STK17B: variants seen among roughly 807,000 people sequenced by gnomAD.
STK17B encodes the protein serine/threonine kinase 17b.
STK17B carries 21 observed loss-of-function variants against 42.0 expected under a neutral mutation model. That is an observed-to-expected ratio of 0.50 (90% confidence interval 0.35 to 0.72). The LOEUF (loss-of-function observed/expected upper bound fraction) is 0.72, where lower values mean the gene tolerates loss of function less well. Among genes scored for constraint, STK17B ranks in the 30% least tolerant of loss-of-function variants. The pLI is 0.00. For missense variants in STK17B, 349 were observed against 446.0 expected, an observed-to-expected ratio of 0.78 and a Z score of 1.96; for synonymous variants, 143 against 148.4, an observed-to-expected ratio of 0.96 and a Z score of 0.26.
intron 3 of STK17B, among the ~76,000 whole-genome samples, chr2:196,152,871 A>AT (rs1699684907): frequency 6.6e-6 from 1 of 152,206 alleles, no homozygotes; most frequent in African/African-American, 2.4e-5. Context: ...AGGAATAGGA[A>AT]TGAGAGCAAG....
At chr2:196,162,414 CTTTT>C (rs57918319) in intron 2 of STK17B, among the ~76,000 whole-genome samples, 1 of 130,904 alleles carries the variant, frequency 7.6e-6, no homozygotes, top group Non-Finnish European at 1.7e-5. Context: ...TCTTCTTCTT[CTTTT>C]TTTTTTTTTT....
chr2:196,147,353 A>G (rs973241850), intron 3 of STK17B, among the ~76,000 whole-genome samples: 4 of 152,148 alleles, frequency 2.6e-5, no homozygotes, highest in African/African-American at 9.7e-5. Context: ...TGAATGAATG[A>G]ATGATGGAAT....
chr2:196,155,042 T>C (rs918264138), intron 3 of STK17B, among the ~76,000 whole-genome samples: 7 of 152,242 alleles, frequency 4.6e-5, no homozygotes, highest in Non-Finnish European at 8.8e-5. Context: ...ATTTTGTCGT[T>C]GCTGTTTGGA....
In STK17B at chr2:196,148,840, A is replaced by G. The variant is rs1412474764; in HGVS notation, c.336-2785T>C. Reference sequence around the variant, plus strand: ...AAACAAAATACAAGAAAGTAAAGTGAAAGTATGGAAAGCAATTCCCAGTGC... The same window carrying G: ...AAACAAAATACAAGAAAGTAAAGTGGAAGTATGGAAAGCAATTCCCAGTGC... On this transcript the variant is annotated intron_variant, in intron 3 of 7. Coordinates refer to ENST00000263955, the MANE Select transcript of STK17B (RefSeq NM_004226.4). 3.9e-4 allele frequency among the ~76,000 whole-genome samples: 60 copies of G among 152,242 alleles called. 2 individuals carry two copies. The highest frequency in any genetic ancestry group is 3.9e-3 in the Admixed American group (59 of 15,290).
upstream of STK17B, among the ~76,000 whole-genome samples, chr2:196,172,115 C>G (rs1699955855): frequency 6.6e-6 from 1 of 152,206 alleles, no homozygotes; most frequent in African/African-American, 2.4e-5. Flanking sequence ...CTCGGAGTGT[C>G]AACATCAGTT....
At chr2:196,149,048 G>A (rs1275877034) in intron 3 of STK17B, among the ~76,000 whole-genome samples, 4 of 152,012 alleles carry the variant, frequency 2.6e-5, no homozygotes, top group Non-Finnish European at 1.5e-5. Flanking sequence ...GAATTAAATT[G>A]GATAATCCAC....
chr2:196,134,835 CTACTT>C lies in STK17B; in HGVS notation c.*2607_*2611del, dbSNP rs1244207486. ...CCACTCACAGGGGCTCTCTAGATTC[CTACTT>C]TAGAGAAATACATTATGCTTTTCAA... On this transcript the variant is annotated 3_prime_UTR_variant, in exon 8 of 8. Coordinates refer to ENST00000263955, the MANE Select transcript of STK17B (RefSeq NM_004226.4). 3.9e-5 allele frequency: 6 copies of C among 152,282 alleles called. No homozygotes were observed. In the East Asian group the frequency reaches 1.2e-3, roughly 29 times the overall value. 9.4% of individuals were successfully genotyped at this position (152,282 alleles called of 1,614,324 possible).
At chr2:196,174,765 G>T (rs1377712542), upstream of STK17B, among the ~76,000 whole-genome samples, 2 of 152,236 alleles carry the variant, frequency 1.3e-5, no homozygotes, top group Non-Finnish European at 2.9e-5. Context: ...TTGCAATTTT[G>T]AAAGCACTGA....
chr2:196,156,700 C>A lies in STK17B; in HGVS notation c.123-49G>T, dbSNP rs141161105. 6.3e-6 allele frequency: 9 copies of A among 1,423,118 alleles called. No individual in the cohort carries two copies. In the South Asian group the frequency reaches 1.0e-4, roughly 16 times the overall value. 88.2% of individuals were successfully genotyped at this position (1,423,118 alleles called of 1,614,324 possible). A position where few individuals can be genotyped will look rare whatever the true frequency, so the allele number is the denominator to read the frequency against. ...ATTTTAATTTTTCTGCAGAGAACAA[C>A]GTTAGTATATTACAGATTCTGTTAT... On this transcript the variant is annotated intron_variant, in intron 2 of 7. Coordinates refer to ENST00000263955, the MANE Select transcript of STK17B (RefSeq NM_004226.4).
chr2:196,161,198 T>C (rs1305463935), intron 2 of STK17B, among the ~76,000 whole-genome samples: 2 of 151,918 alleles, frequency 1.3e-5, no homozygotes, highest in Admixed American at 6.6e-5. Context: ...CATACAAACA[T>C]TGTATTAGTA....
At chr2:196,143,083 A>C (rs1363224704) in intron 5 of STK17B, among the ~76,000 whole-genome samples, 1 of 152,184 alleles carries the variant, frequency 6.6e-6, no homozygotes, top group Non-Finnish European at 1.5e-5. Context: ...CAGCAGCAAT[A>C]AACAAAAATG....
At chr2:196,167,339 C>G (rs1219352673) in intron 1 of STK17B, among the ~76,000 whole-genome samples, 2 of 152,156 alleles carry the variant, frequency 1.3e-5, no homozygotes, top group Non-Finnish European at 2.9e-5. Context: ...GTATCTGCCA[C>G]CCGGTAGGAA....
intron 3 of STK17B, among the ~76,000 whole-genome samples, chr2:196,147,734 AT>A (rs1429987616): frequency 6.9e-6 from 1 of 145,428 alleles, no homozygotes. Context: ...GAGACATAAT[AT>A]ATTTTTTTTT....
intron 3 of STK17B, chr2:196,154,262 A>ACAACAACAG (rs1553624350): frequency 6.6e-6 from 1 of 152,172 alleles, no homozygotes; most frequent in African/African-American, 2.4e-5. Flanking sequence ...AACAACAACA[A>ACAACAACAG]AAGATAATAA....
At chr2:196,159,010 C>CA (rs5837492) in intron 2 of STK17B, among the ~76,000 whole-genome samples, 77,173 of 127,032 alleles carry the variant, frequency 0.61, 21,983 homozygotes, top group South Asian at 0.65. Context: ...GACTGTGTCT[C>CA]AAAAAAAAAA....
intron 6 of STK17B, among the ~76,000 whole-genome samples, chr2:196,140,957 C>T (rs1408245623): frequency 6.6e-6 from 1 of 152,152 alleles, no homozygotes; most frequent in African/African-American, 2.4e-5. Context: ...AAGCATTTCA[C>T]CTTCATCATA....
chr2:196,163,619 A>G (rs1361753760), intron 1 of STK17B, among the ~76,000 whole-genome samples, 192 bp from the exon 2 acceptor site: 2 of 152,228 alleles, frequency 1.3e-5, no homozygotes, highest in Admixed American at 1.3e-4. Flanking sequence ...ACTTGAACGA[A>G]GTTACTGACT....
At chr2:196,145,870 A>G (rs1360483675) in intron 4 of STK17B, 41 bp downstream of exon 4, 2 of 1,517,562 alleles carry the variant, frequency 1.3e-6, no homozygotes, top group Non-Finnish European at 1.8e-6. Flanking sequence ...GAGCAGAAGA[A>G]GAACACAGAT....
At chr2:196,169,812 A>T (rs1699916870) in intron 1 of STK17B, among the ~76,000 whole-genome samples, 1 of 152,214 alleles carries the variant, frequency 6.6e-6, no homozygotes, top group South Asian at 2.1e-4. Flanking sequence ...GATGGTCTTC[A>T]ATTACAGAAA....
Sources: allele counts gnomAD v4.1 joint callset (sites outside exome capture counted in the v4.1 genomes callset), GRCh38; gene constraint gnomAD v4.1.1; transcripts MANE v1.5; gene names NCBI Gene and HGNC (gene_info 2026-07-23, HGNC 2026-07-21).